Variants in DOK5 observed in about 807,000 individuals in gnomAD.
DOK5 encodes docking protein 5.
In DOK5, 27 loss-of-function variants were observed where a neutral mutation model predicts 43.3. That is an observed-to-expected ratio of 0.62 (90% CI 0.46 to 0.86). DOK5 has a LOEUF of 0.86. Among genes scored for constraint, DOK5 ranks in the 40% least tolerant of loss-of-function variants. DOK5 has a pLI of 0.00. For synonymous variants in DOK5, 146 were observed against 140.1 expected, an observed-to-expected ratio of 1.04 and a Z score of -0.30; for missense variants, 373 against 392.9, an observed-to-expected ratio of 0.95 and a Z score of 0.43.
At chr20:54,565,429 AG>A (rs1167750725) in intron 2 of DOK5, among the ~76,000 whole-genome samples, 1 of 152,224 alleles carries the variant, frequency 6.6e-6, no homozygotes, top group Non-Finnish European at 1.5e-5. Context: ...ACTATGGACA[AG>A]AAAAACTACC....
In DOK5 at chr20:54,644,714, A is replaced by AACAAAC. The variant is rs562612609; in HGVS notation, c.856+1137_856+1138insCAAACA. On this transcript the variant is annotated intron_variant, in intron 7 of 7. Coordinates refer to ENST00000262593, the MANE Select transcript of DOK5 (RefSeq NM_018431.5). ...GAGAGAGACTCCGTCTCAAAAAAAA[A>AACAAAC]AAAAAAAAAACAAAATTTAGCTGGG... is the stretch of plus-strand genomic sequence containing the variant. 1.3e-3 allele frequency among the ~76,000 whole-genome samples: 170 copies of AACAAAC among 134,264 alleles called. 1 individual carries two copies. In the Middle Eastern group the frequency reaches 0.02, roughly 16 times the overall value. 88.1% of individuals were successfully genotyped at this position (134,264 alleles called of 152,430 possible). A position where few individuals can be genotyped will look rare whatever the true frequency, so the allele number is the denominator to read the frequency against.
chr20:54,562,563 C>T (rs779112459), intron 2 of DOK5, among the ~76,000 whole-genome samples: 6 of 152,076 alleles, frequency 3.9e-5, no homozygotes, highest in Admixed American at 6.6e-5. Context: ...GAACTACAGG[C>T]GTGCGCCACC....
intron 1 of DOK5, among the ~76,000 whole-genome samples, chr20:54,478,974 T>C (rs1229918075): frequency 6.6e-6 from 1 of 152,190 alleles, no homozygotes; most frequent in Admixed American, 6.5e-5. Flanking sequence ...TTTTACAAAT[T>C]ATATACATAT....
At chr20:54,575,894 C>T (rs894450646) in intron 2 of DOK5, among the ~76,000 whole-genome samples, 6 of 152,082 alleles carry the variant, frequency 3.9e-5, no homozygotes, top group Admixed American at 6.6e-5. Flanking sequence ...ATAAAAGTAG[C>T]GAATCTTAAT....
intron 6 of DOK5, among the ~76,000 whole-genome samples, chr20:54,634,437 C>CTTTTTTTTT (rs11470013): frequency 4.1e-4 from 37 of 90,406 alleles, no homozygotes; most frequent in African/African-American, 5.8e-4. Flanking sequence ...TCATATCATG[C>CTTTTTTTTT]TTTTTTTTTT....
At chr20:54,551,832 G>T (rs1263288021) in intron 1 of DOK5, among the ~76,000 whole-genome samples, 1 of 152,016 alleles carries the variant, frequency 6.6e-6, no homozygotes, top group Non-Finnish European at 1.5e-5. Context: ...CAGGTTTTTT[G>T]TTTTGTTTTG....
intron 6 of DOK5, among the ~76,000 whole-genome samples, chr20:54,636,101 C>A (rs6014096): frequency 0.47 from 71,990 of 152,098 alleles, 22,202 homozygotes; most frequent in African/African-American, 0.87. Context: ...TGCAATAATA[C>A]ACCTGAAACC....
At chr20:54,589,340 A>G (rs1441561680) in intron 4 of DOK5, among the ~76,000 whole-genome samples, 4 of 152,310 alleles carry the variant, frequency 2.6e-5, no homozygotes, top group Non-Finnish European at 5.9e-5. Context: ...TGTTTTCAAT[A>G]TAATTCAAAC....
chr20:54,529,097 A>T (rs899154427), intron 1 of DOK5, among the ~76,000 whole-genome samples: 1 of 152,218 alleles, frequency 6.6e-6, no homozygotes, highest in Non-Finnish European at 1.5e-5. Flanking sequence ...TGGTCTTTTT[A>T]TCTCTACTAA....
At chr20:54,555,386 A>G (rs985888060) in intron 2 of DOK5, 3 of 165,330 alleles carry the variant, frequency 1.8e-5, no homozygotes, top group African/African-American at 4.8e-5. Flanking sequence ...ACACTCATTC[A>G]ATGCTTGGGG....
intron 1 of DOK5, among the ~76,000 whole-genome samples, chr20:54,480,964 T>C (rs1304403035): frequency 3.4e-5 from 4 of 116,214 alleles, no homozygotes; most frequent in African/African-American, 1.4e-4. Context: ...CTATCTATCA[T>C]CTATCATCTA....
At chr20:54,508,188 A>C (rs2146684669) in intron 1 of DOK5, among the ~76,000 whole-genome samples, 1 of 152,226 alleles carries the variant, frequency 6.6e-6, no homozygotes, top group Non-Finnish European at 1.5e-5. Context: ...CAATGCATGC[A>C]ATTAAAAGTA....
intron 6 of DOK5, among the ~76,000 whole-genome samples, chr20:54,635,093 C>T (rs1238092387): frequency 6.6e-6 from 1 of 152,168 alleles, no homozygotes; most frequent in African/African-American, 2.4e-5. Context: ...TGATACCCTC[C>T]TCCCTTTGGA....
intron 5 of DOK5, among the ~76,000 whole-genome samples, chr20:54,604,531 A>G (rs1313104208): frequency 6.6e-6 from 1 of 152,078 alleles, no homozygotes; most frequent in Admixed American, 6.5e-5. Flanking sequence ...ATTAATTCTC[A>G]GCTCCTCAAA....
At chr20:54,506,951 C>A (rs1404073541) in intron 1 of DOK5, among the ~76,000 whole-genome samples, 1 of 152,132 alleles carries the variant, frequency 6.6e-6, no homozygotes, top group African/African-American at 2.4e-5. Flanking sequence ...TTGAAGTTAG[C>A]CATTTACAGT....
At chr20:54,649,751 T>TA (rs1979611585) in intron 7 of DOK5, among the ~76,000 whole-genome samples, 1 of 152,226 alleles carries the variant, frequency 6.6e-6, no homozygotes, top group African/African-American at 2.4e-5. Flanking sequence ...AAAGCATTAT[T>TA]AGGACGACAT....
chr20:54,475,814 C>T lies in DOK5; in HGVS notation c.-133C>T, dbSNP rs1981396222. 1.8e-6 allele frequency: 2 copies of T among 1,088,016 alleles called. No homozygotes were observed. The highest frequency in any genetic ancestry group is 2.7e-6 in the Non-Finnish European group (2 of 742,714). The allele number at this position is 1,088,016 out of a possible 1,614,324, so 67.4% of individuals were successfully genotyped here. A position where few individuals can be genotyped will look rare whatever the true frequency, so the allele number is the denominator to read the frequency against. On this transcript the variant is annotated 5_prime_UTR_variant, in exon 1 of 8. Coordinates refer to ENST00000262593, the MANE Select transcript of DOK5 (RefSeq NM_018431.5). The surrounding 1 kb of genome is among the most constrained non-coding windows in gnomAD (Gnocchi z 4.2). Reference sequence around the variant, plus strand: ...GATGTGCGCCTTCTAAAGCCTCGCCCAGCGCCGCCGAAGCAGCTTCACCTC... The same window carrying T: ...GATGTGCGCCTTCTAAAGCCTCGCCTAGCGCCGCCGAAGCAGCTTCACCTC...
rs936624963 is a variant in DOK5 at position 54,618,613 on chromosome 20, G to C, written c.735+8090G>C. 5.3e-5 allele frequency among the ~76,000 whole-genome samples: 8 copies of C among 152,264 alleles called. No individual in the cohort carries two copies. In the South Asian group the frequency reaches 6.2e-4, roughly 12 times the overall value. On this transcript the variant is annotated intron_variant, in intron 6 of 7. Coordinates refer to ENST00000262593, the MANE Select transcript of DOK5 (RefSeq NM_018431.5). ...CCGCCTCAGCCTCCCAAAGTGCTGG[G>C]ACCACAGGCATGAGCCACTGCACCT...
At chr20:54,540,437 A>C (rs183783886) in intron 1 of DOK5, among the ~76,000 whole-genome samples, 2 of 152,328 alleles carry the variant, frequency 1.3e-5, no homozygotes, top group African/African-American at 4.8e-5. Context: ...GTTTGCATGC[A>C]AATCACCACC....
Sources: gnomAD v4.1 joint callset for allele counts (sites outside exome capture counted in the v4.1 genomes callset) on GRCh38, gnomAD v4.1.1 for gene constraint, Gnocchi (gnomAD v3.1) non-coding constraint, MANE v1.5 for transcripts, NCBI Gene and HGNC (gene_info 2026-07-23, HGNC 2026-07-21) for gene names.